BICDL1: variants seen among roughly 807,000 people sequenced by gnomAD.
BICDL1 encodes the protein BICD family-like cargo adapter 1.
A neutral mutation model predicts 76.8 loss-of-function variants in BICDL1; 20 were observed. The ratio of observed to expected loss-of-function variants is 0.26; its 90% CI spans 0.18 to 0.38. BICDL1 has a LOEUF of 0.38. BICDL1 is among the 10% of genes least tolerant of loss of function. The pLI is 1.00. For synonymous variants in BICDL1, 383 were observed against 337.1 expected, an observed-to-expected ratio of 1.14 and a Z score of -1.49; for missense variants, 700 against 798.6, an observed-to-expected ratio of 0.88 and a Z score of 1.49.
At position 119,999,844 on chromosome 12, in the gene BICDL1, G is replaced by A. The variant is rs554563139; in HGVS notation, c.645+1108G>A. The A allele has an allele frequency of 1.7e-3, 734 of 429,568 alleles. 4 individuals are homozygous for A. Among genetic ancestry groups the A allele is most frequent in the Non-Finnish European group, 3.0e-3 (655 of 219,128 alleles). The allele number at this position is 429,568 out of a possible 1,614,324, so 26.6% of individuals were successfully genotyped here. A position where few individuals can be genotyped will look rare whatever the true frequency, so the allele number is the denominator to read the frequency against. Reference sequence around the variant, plus strand: ...ACTACCAACTCTTCAGTTACCGGAGGAAAAAGAACTTCTCTGATATCATCC... The same window carrying A: ...ACTACCAACTCTTCAGTTACCGGAGAAAAAAGAACTTCTCTGATATCATCC... On this transcript the variant is annotated intron_variant, in intron 2 of 9. Transcript: ENST00000548673.
At position 120,093,991 on chromosome 12, in the gene BICDL1, A is replaced by G. The variant is rs1361771245; in HGVS notation, c.*830A>G. 1.2e-5 allele frequency: 4 copies of G among 347,520 alleles called. No homozygotes were observed. Among genetic ancestry groups the G allele is most frequent in the East Asian group, 7.5e-5 (1 of 13,280 alleles). The allele number at this position is 347,520 out of a possible 1,614,324, so 21.5% of individuals were successfully genotyped here. On this transcript the variant is annotated 3_prime_UTR_variant, in exon 10 of 10. Transcript: ENST00000548673. ...CCTCCTCCACCCCTCACATACATAC[A>G]TAATTTCTTGGCCTAGCCAAACAAG...
At chr12:120,089,882 G>A (rs975029150) in intron 8 of BICDL1, 69 bp from the exon 9 acceptor site, 7 of 1,571,702 alleles carry the variant, frequency 4.5e-6, no homozygotes, top group African/African-American at 4.1e-5. Flanking sequence ...GACTCCAGGT[G>A]CCCCAAGTAA....
In BICDL1 at chr12:120,093,053, ACGG is replaced by A; in HGVS notation, c.1759_1761del (p.Arg587del). 1 of 1,596,864 alleles carries A rather than the reference ACGG, an allele frequency of 6.3e-7. No homozygotes were observed. Among genetic ancestry groups the A allele is most frequent in the East Asian group, 2.3e-5 (1 of 44,314 alleles). ...AGCTGATGGACACGCACCTGAAAGA[ACGG>A]AGCCAGCCGGCTGCTGCCCTCTGCA... On this transcript the variant is annotated inframe_deletion, in exon 10 of 10. Transcript: ENST00000548673.
At chr12:120,019,958 G>C (rs1222334611) in intron 2 of BICDL1, among the ~76,000 whole-genome samples, 8 of 152,194 alleles carry the variant, frequency 5.3e-5, no homozygotes, top group African/African-American at 1.9e-4. Context: ...CAATGAGAGA[G>C]AGGTCAAAAG....
chr12:120,046,473 T>C (rs1315730462), intron 2 of BICDL1, among the ~76,000 whole-genome samples: 5 of 152,228 alleles, frequency 3.3e-5, no homozygotes, highest in African/African-American at 1.2e-4. Flanking sequence ...CCAAACACTT[T>C]ACATATATTT....
At chr12:120,058,604 T>A (rs1594180055) in intron 2 of BICDL1, among the ~76,000 whole-genome samples, 1 of 151,538 alleles carries the variant, frequency 6.6e-6, no homozygotes, top group East Asian at 1.9e-4. Flanking sequence ...TTTTTTTTTT[T>A]TTTTGAGACA....
chr12:120,000,878 G>A (rs150153493), intron 2 of BICDL1, among the ~76,000 whole-genome samples: 116 of 152,290 alleles, frequency 7.6e-4, no homozygotes, highest in African/African-American at 2.7e-3. Flanking sequence ...ATGTTAAACA[G>A]CGTGTGAAGG....
intron 2 of BICDL1, among the ~76,000 whole-genome samples, chr12:120,049,808 A>G (rs535568704): frequency 3.9e-5 from 6 of 152,124 alleles, no homozygotes; most frequent in African/African-American, 7.2e-5. Context: ...TAGTCTTCCA[A>G]TTTGGTAATT....
At chr12:120,078,342 GT>G (rs776644730) in intron 7 of BICDL1, among the ~76,000 whole-genome samples, 13 of 152,216 alleles carry the variant, frequency 8.5e-5, no homozygotes, top group Admixed American at 2.6e-4. Flanking sequence ...GCACTCAAAT[GT>G]TGTTGAACAA....
At position 120,091,557 on chromosome 12, in the gene BICDL1, C is replaced by T. The variant is rs1005583960; in HGVS notation, c.1705-1443C>T. 37 of 984,800 alleles carry T rather than the reference C, an allele frequency of 3.8e-5. No individual in the cohort carries two copies. The African/African-American group carries it at 6.3e-4, about 17-fold the overall frequency. 61.0% of individuals were successfully genotyped at this position (984,800 alleles called of 1,614,324 possible). On this transcript the variant is annotated intron_variant, in intron 9 of 9. Transcript: ENST00000548673. ...GCAAATACCTGGCACAGTGCCAGCT[C>T]TGAGGGGCAAGTGGAAAAGGGGATG...
intron 2 of BICDL1, among the ~76,000 whole-genome samples, chr12:120,015,825 C>G (rs112652064): frequency 6.4e-4 from 97 of 152,320 alleles, no homozygotes; most frequent in African/African-American, 2.3e-3. Flanking sequence ...CACTGGTTCC[C>G]AGTCTTTCAG....
intron 9 of BICDL1, chr12:120,092,354 G>C: frequency 1.0e-6 from 1 of 985,474 alleles, no homozygotes; most frequent in South Asian, 4.7e-5. Flanking sequence ...AAAGAAATGG[G>C]CCTGATTTGG....
chr12:120,010,150 C>T (rs892865804), intron 2 of BICDL1, among the ~76,000 whole-genome samples: 18 of 152,238 alleles, frequency 1.2e-4, no homozygotes, highest in Non-Finnish European at 2.4e-4. Context: ...AGACGCCAGC[C>T]TGCAGCCTCC....
chr12:119,998,463 AAAAAT>A, intron 1 of BICDL1, 53 bp from the exon 2 acceptor site: 3 of 1,484,386 alleles, frequency 2.0e-6, no homozygotes, highest in Non-Finnish European at 2.7e-6. Flanking sequence ...CGCGGAGAGA[AAAAAT>A]AAAAGGCTGT....
chr12:120,083,451 C>T (rs1172807945), intron 8 of BICDL1, among the ~76,000 whole-genome samples: 2 of 151,568 alleles, frequency 1.3e-5, no homozygotes, highest in African/African-American at 2.4e-5. Flanking sequence ...TTTGTAGAGA[C>T]GAGGTTTTGT....
intron 2 of BICDL1, among the ~76,000 whole-genome samples, chr12:120,019,674 T>G (rs1952139660): frequency 6.6e-6 from 1 of 152,268 alleles, no homozygotes; most frequent in Non-Finnish European, 1.5e-5. Flanking sequence ...GGCTTGGAAC[T>G]CCTGGGCTCA....
intron 5 of BICDL1, among the ~76,000 whole-genome samples, chr12:120,072,188 A>G (rs1325855208): frequency 6.6e-6 from 1 of 152,160 alleles, no homozygotes; most frequent in Non-Finnish European, 1.5e-5. Flanking sequence ...CACACTTTTC[A>G]TAATACAGAA....
chr12:120,066,571 G>A (rs1258204253), intron 4 of BICDL1, among the ~76,000 whole-genome samples: 1 of 152,156 alleles, frequency 6.6e-6, no homozygotes, highest in African/African-American at 2.4e-5. Context: ...CTCACCATGT[G>A]CACATCCACT....
intron 4 of BICDL1, among the ~76,000 whole-genome samples, chr12:120,067,405 G>A (rs901429232): frequency 2.0e-5 from 3 of 152,250 alleles, no homozygotes; most frequent in Non-Finnish European, 4.4e-5. Context: ...TCCCTTAGAT[G>A]AGCGTAAATG....
Sources: gnomAD v4.1 joint callset for allele counts (sites outside exome capture counted in the v4.1 genomes callset) on GRCh38, gnomAD v4.1.1 for gene constraint, MANE v1.5 for transcripts, NCBI Gene and HGNC (gene_info 2026-07-23, HGNC 2026-07-21) for gene names.